RPS6KC1: variants seen among roughly 807,000 people sequenced by gnomAD.
The protein encoded by RPS6KC1 is inactive ribosomal protein S6 kinase delta-1.
Under a neutral mutation model 103.8 loss-of-function variants are expected in RPS6KC1, and 54 were observed. The ratio of observed to expected loss-of-function variants is 0.52; its 90% CI spans 0.42 to 0.65. The LOEUF (loss-of-function observed/expected upper bound fraction) is 0.65. Ranked by LOEUF, RPS6KC1 falls within the 30% of genes least tolerant of loss-of-function variation. The pLI, the probability that RPS6KC1 is intolerant of heterozygous loss-of-function variation, is 0.00. For missense variants in RPS6KC1, 1,151 were observed against 1,253.8 expected (o/e 0.92, Z 1.24); for synonymous variants, 439 against 438.7 (o/e 1.00, Z -0.01).
chr1:213,224,326 G>T (rs78200990), intron 8 of RPS6KC1, among the ~76,000 whole-genome samples: 3,378 of 152,252 alleles, frequency 0.022, 121 homozygotes, highest in African/African-American at 0.077. Context: ...TGGAATTGAA[G>T]AACAGATGAG....
At chr1:213,397,588 T>TACACACACACAC in the RPS6KC1 span, among the ~76,000 whole-genome samples, 1,988 of 140,436 alleles carry the variant, frequency 0.014, 23 homozygotes, top group East Asian at 0.018. Context: ...CAGGAACACA[T>TACACACACACAC]ACACACACAC....
At chr1:213,162,371 C>T (rs1416491746) in intron 6 of RPS6KC1, among the ~76,000 whole-genome samples, 1 of 152,030 alleles carries the variant, frequency 6.6e-6, no homozygotes, top group African/African-American at 2.4e-5. Context: ...GCCTTGAACC[C>T]CTGGGCTCAA....
intron 3 of RPS6KC1, among the ~76,000 whole-genome samples, chr1:213,093,369 C>T (rs1432679867): frequency 6.6e-6 from 1 of 151,914 alleles, no homozygotes; most frequent in Non-Finnish European, 1.5e-5. Context: ...TGCCACCATG[C>T]CCGGCTAATT....
intron 8 of RPS6KC1, among the ~76,000 whole-genome samples, chr1:213,193,826 C>T (rs1371214903): frequency 2.0e-5 from 3 of 151,778 alleles, no homozygotes; most frequent in Non-Finnish European, 4.4e-5. Context: ...TGGGGTTTTG[C>T]CATGTTGCCC....
At chr1:213,768,924 T>C in the RPS6KC1 span, among the ~76,000 whole-genome samples, 1 of 152,206 alleles carries the variant, frequency 6.6e-6, no homozygotes, top group South Asian at 2.1e-4. Context: ...CATGAAAGGA[T>C]GCTGAATGTT....
the RPS6KC1 span, among the ~76,000 whole-genome samples, chr1:213,391,965 TG>T: frequency 6.6e-6 from 1 of 152,208 alleles, no homozygotes; most frequent in South Asian, 2.1e-4. Flanking sequence ...GGCAGGAAGC[TG>T]GGCTGCATGA....
intron 1 of RPS6KC1, among the ~76,000 whole-genome samples, chr1:213,070,179 T>G (rs2078738470): frequency 6.6e-6 from 1 of 152,258 alleles, no homozygotes; most frequent in South Asian, 2.1e-4. Context: ...ATTGTGCTAA[T>G]TGTAGATTCA....
At chr1:213,738,154 C>G in the RPS6KC1 span, among the ~76,000 whole-genome samples, 1 of 152,146 alleles carries the variant, frequency 6.6e-6, no homozygotes, top group Non-Finnish European at 1.5e-5. Flanking sequence ...TTTATACACA[C>G]ACACATATAT....
chr1:213,692,525 T>C, the RPS6KC1 span, among the ~76,000 whole-genome samples: 1 of 152,194 alleles, frequency 6.6e-6, no homozygotes, highest in South Asian at 2.1e-4. Context: ...GTTGGAATGC[T>C]TCCAGGGTTG....
the RPS6KC1 span, among the ~76,000 whole-genome samples, chr1:213,426,065 T>C: frequency 1.3e-5 from 2 of 152,126 alleles, no homozygotes. Flanking sequence ...GCCCCCTTTT[T>C]CCCCATGTGG....
the RPS6KC1 span, among the ~76,000 whole-genome samples, chr1:213,335,782 G>A: frequency 6.6e-6 from 1 of 152,210 alleles, no homozygotes; most frequent in Non-Finnish European, 1.5e-5. Context: ...CACAACTGTC[G>A]TGTGCTGTAT....
chr1:213,608,010 G>A, the RPS6KC1 span, among the ~76,000 whole-genome samples: 4 of 152,096 alleles, frequency 2.6e-5, no homozygotes, highest in Non-Finnish European at 5.9e-5. Flanking sequence ...ATCCTGATTC[G>A]GTTCCCCAAA....
chr1:213,181,912 G>A (rs2148366801), intron 8 of RPS6KC1, among the ~76,000 whole-genome samples: 1 of 152,144 alleles, frequency 6.6e-6, no homozygotes, highest in South Asian at 2.1e-4. Flanking sequence ...CATTGGAGAG[G>A]GTAAAATACA....
Position 213,236,969 on chromosome 1 carries a change from T to C in RPS6KC1, c.1226-3733T>C, listed in dbSNP as rs79590235. On this transcript the variant is annotated intron_variant, in intron 10 of 14. Transcript: ENST00000366960. Reference sequence around the variant, plus strand: ...AAAAATTATCCCTCCCTATTCACTTTGTTGCCCAGACCTATTCCCCAGAAA... The same window carrying C: ...AAAAATTATCCCTCCCTATTCACTTCGTTGCCCAGACCTATTCCCCAGAAA... Among the ~76,000 whole-genome samples the C allele has an allele frequency of 9.0e-3, 1,365 of 152,284 alleles. 11 individuals are homozygous for C. Among genetic ancestry groups the C allele is most frequent in the Admixed American group, 0.029 (447 of 15,290 alleles).
chr1:213,791,755 C>T, the RPS6KC1 span, among the ~76,000 whole-genome samples: 12 of 152,240 alleles, frequency 7.9e-5, no homozygotes, highest in African/African-American at 2.4e-4. Flanking sequence ...TGATGGCAGA[C>T]GTATAACCCC....
chr1:213,313,839 G>A, the RPS6KC1 span, among the ~76,000 whole-genome samples: 2 of 152,158 alleles, frequency 1.3e-5, no homozygotes, highest in Non-Finnish European at 2.9e-5. Flanking sequence ...TGTAGTCCCA[G>A]CTACTTGGGA....
At chr1:213,198,422 A>G (rs1161734461) in intron 8 of RPS6KC1, among the ~76,000 whole-genome samples, 2 of 152,138 alleles carry the variant, frequency 1.3e-5, no homozygotes, top group African/African-American at 2.4e-5. Context: ...CCTGATGACT[A>G]TGTGCCTTAG....
chr1:213,846,369 A>G, the RPS6KC1 span, among the ~76,000 whole-genome samples: 1 of 152,152 alleles, frequency 6.6e-6, no homozygotes, highest in Non-Finnish European at 1.5e-5. Flanking sequence ...GCTGAACTCC[A>G]TACCCAATGC....
At chr1:213,507,693 C>T in the RPS6KC1 span, among the ~76,000 whole-genome samples, 3 of 152,174 alleles carry the variant, frequency 2.0e-5, no homozygotes, top group East Asian at 1.9e-4. Flanking sequence ...TGATCAAACA[C>T]ATTGCACAAT....
Sources: allele counts gnomAD v4.1 joint callset (sites outside exome capture counted in the v4.1 genomes callset), GRCh38; gene constraint gnomAD v4.1.1; transcripts MANE v1.5; gene names NCBI Gene and HGNC (gene_info 2026-07-23, HGNC 2026-07-21).